ADAMTSL1: variants seen among roughly 807,000 people sequenced by gnomAD.
ADAMTSL1 encodes ADAMTS like 1.
ADAMTSL1 carries 126 observed loss-of-function variants against 201.8 expected under a neutral mutation model. The observed-to-expected ratio is 0.62, with a 90% CI of 0.54 to 0.72. ADAMTSL1 has a LOEUF of 0.72. Ranked by LOEUF, ADAMTSL1 falls within the 30% of genes least tolerant of loss-of-function variation. The pLI, the probability that ADAMTSL1 is intolerant of heterozygous loss-of-function variation, is 0.00. For missense variants in ADAMTSL1, 2,679 were observed against 2,277.8 expected, an observed-to-expected ratio of 1.18 and a Z score of -3.59; for synonymous variants, 1,121 against 903.4, an observed-to-expected ratio of 1.24 and a Z score of -4.32.
chr9:18,908,385 G>T, intron 28 of ADAMTSL1, 57 bp from the exon 29 acceptor site: 1 of 1,435,012 alleles, frequency 7.0e-7, no homozygotes, highest in Non-Finnish European at 9.6e-7. Flanking sequence ...GCGTTCATTA[G>T]TCTCTGTTTC....
At chr9:18,249,289 G>C (rs903650956) in intron 2 of ADAMTSL1, among the ~76,000 whole-genome samples, 1 of 152,226 alleles carries the variant, frequency 6.6e-6, no homozygotes, top group African/African-American at 2.4e-5. Flanking sequence ...GACGTGTCAA[G>C]TGGAAATTAA....
At chr9:18,534,756 A>C (rs1382548239) in intron 3 of ADAMTSL1, among the ~76,000 whole-genome samples, 1 of 152,186 alleles carries the variant, frequency 6.6e-6, no homozygotes, top group African/African-American at 2.4e-5. Flanking sequence ...CTGCAGGACC[A>C]CCACAACATG....
At chr9:18,039,105 G>A (rs1455843386) in intron 1 of ADAMTSL1, among the ~76,000 whole-genome samples, 1 of 152,136 alleles carries the variant, frequency 6.6e-6, no homozygotes, top group Non-Finnish European at 1.5e-5. Flanking sequence ...AACACCAGCT[G>A]AGAAAGAACT....
intron 20 of ADAMTSL1, among the ~76,000 whole-genome samples, chr9:18,805,634 A>G (rs575026746): frequency 6.6e-6 from 1 of 152,312 alleles, no homozygotes; most frequent in Non-Finnish European, 1.5e-5. Context: ...TACTATGCAG[A>G]GATGAGCTCG....
intron 2 of ADAMTSL1, among the ~76,000 whole-genome samples, chr9:18,359,594 G>C (rs889147031): frequency 6.6e-6 from 1 of 152,142 alleles, no homozygotes; most frequent in South Asian, 2.1e-4. Flanking sequence ...AATGTCTGCT[G>C]TAGAAAATTA....
At chr9:17,959,290 G>A (rs1010351380) in intron 1 of ADAMTSL1, among the ~76,000 whole-genome samples, 6 of 151,860 alleles carry the variant, frequency 4.0e-5, no homozygotes, top group Non-Finnish European at 5.9e-5. Context: ...CTTTTTTCTC[G>A]TCTTCTTTTG....
At chr9:18,310,575 T>A (rs1189576888) in intron 2 of ADAMTSL1, among the ~76,000 whole-genome samples, 2 of 151,982 alleles carry the variant, frequency 1.3e-5, no homozygotes, top group Non-Finnish European at 2.9e-5. Context: ...AAAGAAGACA[T>A]TTATGTGGCC....
chr9:18,078,941 C>T (rs754962559), intron 1 of ADAMTSL1, among the ~76,000 whole-genome samples: 5 of 152,298 alleles, frequency 3.3e-5, no homozygotes, highest in Non-Finnish European at 7.3e-5. Flanking sequence ...CAGGCAGCGA[C>T]CTCTCCTTGG....
chr9:18,481,209 T>C (rs1821712346), intron 1 of ADAMTSL1, among the ~76,000 whole-genome samples: 1 of 152,198 alleles, frequency 6.6e-6, no homozygotes, highest in Non-Finnish European at 1.5e-5. Flanking sequence ...TCAAACAATC[T>C]TTAACACATT....
In ADAMTSL1 at chr9:18,908,893, A is replaced by T. The variant is rs767394353; in HGVS notation, c.*345A>T. 3.7e-5 allele frequency: 8 copies of T among 214,300 alleles called. No individual in the cohort carries two copies. Among genetic ancestry groups the T allele is most frequent in the Non-Finnish European group, 6.5e-5 (7 of 107,204 alleles). 13.3% of individuals were successfully genotyped at this position (214,300 alleles called of 1,614,324 possible). ...GGCAGGCACAGCCCCTGCGGACAGCAGGGAGCCAGAAGGTTTGTAGCCTAT... is the reference window on the plus strand; with the variant it reads ...GGCAGGCACAGCCCCTGCGGACAGCTGGGAGCCAGAAGGTTTGTAGCCTAT... On this transcript the variant is annotated 3_prime_UTR_variant, in exon 29 of 29. Transcript: ENST00000380548.
intron 18 of ADAMTSL1, among the ~76,000 whole-genome samples, chr9:18,776,303 G>C (rs1364301686): frequency 6.6e-6 from 1 of 152,200 alleles, no homozygotes; most frequent in East Asian, 1.9e-4. Flanking sequence ...GTCCTTTAGG[G>C]CTCTGGTGCC....
At chr9:17,957,233 C>T (rs1006989393) in intron 1 of ADAMTSL1, among the ~76,000 whole-genome samples, 4 of 152,136 alleles carry the variant, frequency 2.6e-5, no homozygotes, top group African/African-American at 4.8e-5. Context: ...GTCTGAGAAA[C>T]GCAGCTGGAG....
intron 15 of ADAMTSL1, among the ~76,000 whole-genome samples, chr9:18,749,503 C>G (rs887139319): frequency 6.6e-6 from 1 of 152,160 alleles, no homozygotes; most frequent in Non-Finnish European, 1.5e-5. Context: ...TTGCACCAGG[C>G]TTCTGCAGAA....
chr9:18,340,441 C>T (rs1465119525), intron 2 of ADAMTSL1, among the ~76,000 whole-genome samples: 1 of 152,162 alleles, frequency 6.6e-6, no homozygotes, highest in Non-Finnish European at 1.5e-5. Flanking sequence ...ATACTGCAAA[C>T]ACAATACATC....
At chr9:18,857,777 C>T (rs1231908818) in intron 23 of ADAMTSL1, among the ~76,000 whole-genome samples, 1 of 152,154 alleles carries the variant, frequency 6.6e-6, no homozygotes, top group African/African-American at 2.4e-5. Context: ...CCTGTCTTAT[C>T]CAATGGGCTA....
chr9:18,140,601 G>C (rs534891318), intron 1 of ADAMTSL1, among the ~76,000 whole-genome samples: 2 of 152,176 alleles, frequency 1.3e-5, no homozygotes. Context: ...CAAAATTCTA[G>C]ACTCCCAGAA....
At chr9:18,112,824 C>G (rs1825084115) in intron 1 of ADAMTSL1, among the ~76,000 whole-genome samples, 2 of 152,160 alleles carry the variant, frequency 1.3e-5, no homozygotes, top group Non-Finnish European at 2.9e-5. Flanking sequence ...TCCCTAGAGT[C>G]TAGCACAGGC....
At chr9:17,950,290 A>G (rs1390119781) in intron 1 of ADAMTSL1, among the ~76,000 whole-genome samples, 1 of 152,110 alleles carries the variant, frequency 6.6e-6, no homozygotes, top group Admixed American at 6.6e-5. Context: ...TTACAGTGCA[A>G]TAGTACTAGA....
At chr9:18,528,702 T>C (rs1277771082) in intron 2 of ADAMTSL1, among the ~76,000 whole-genome samples, 2 of 152,180 alleles carry the variant, frequency 1.3e-5, no homozygotes, top group African/African-American at 2.4e-5. Flanking sequence ...TTAAAATATA[T>C]TCTAATACTT....
Sources: allele counts gnomAD v4.1 joint callset (sites outside exome capture counted in the v4.1 genomes callset), GRCh38; gene constraint gnomAD v4.1.1; transcripts MANE v1.5; gene names NCBI Gene and HGNC (gene_info 2026-07-23, HGNC 2026-07-21).